SLC39A4: variants seen among roughly 807,000 people sequenced by gnomAD.
The protein encoded by SLC39A4 is solute carrier family 39 member 4, also known as zinc transporter ZIP4.
In SLC39A4, 49 loss-of-function variants were observed where a neutral mutation model predicts 56.6. The ratio of observed to expected loss-of-function variants is 0.87; its 90% CI spans 0.69 to 1.10. The LOEUF is 1.10. SLC39A4 is among the 50% of genes least tolerant of loss of function. The pLI is 0.00. For missense variants in SLC39A4, 993 were observed against 864.2 expected, an observed-to-expected ratio of 1.15 and a Z score of -1.87; for synonymous variants, 540 against 420.4, an observed-to-expected ratio of 1.28 and a Z score of -3.48.
intron 10 of SLC39A4, 130 bp from the exon 11 acceptor site, chr8:144,413,076 C>A: frequency 6.8e-7 from 1 of 1,481,108 alleles, no homozygotes; most frequent in Non-Finnish European, 9.1e-7. Flanking sequence ...CCGTCAGATC[C>A]CGCCCATCAC....
chr8:144,415,750 T>A, intron 2 of SLC39A4, 60 bp downstream of exon 2: 1 of 1,516,420 alleles, frequency 6.6e-7, no homozygotes, highest in Non-Finnish European at 8.8e-7. Context: ...CCAGGCCGGG[T>A]CCCATGGGCC....
rs782770770 is a variant in SLC39A4, at chr8:144,414,937, C to T, written c.804+37G>A. On this transcript the variant is annotated intron_variant, in intron 4 of 11. Coordinates refer to ENST00000301305, the MANE Select transcript of SLC39A4 (RefSeq NM_130849.4). ...ACAGGCTCAGGGGCCCAAGCAGACC[C>T]CGGTGAGGCCCCATCTTACCCCAGG... 1.9e-6 allele frequency: 3 copies of T among 1,613,032 alleles called. No individual in the cohort carries two copies. In the Admixed American group the frequency reaches 5.0e-5, roughly 27 times the overall value.
chr8:144,414,097 T>C lies in SLC39A4; in HGVS notation c.1150-2A>G. The C allele has an allele frequency of 6.4e-7, 1 of 1,556,110 alleles. No homozygotes were observed. Among genetic ancestry groups the C allele is most frequent in the Non-Finnish European group, 8.7e-7 (1 of 1,150,380 alleles). ...GCTGTGTGTATGCAGCCCCAGCACC[T>C]GGGGAGTAGGGGCGCTGGGCTGGGG... On this transcript the variant is annotated splice_acceptor_variant, in intron 6 of 11. Coordinates refer to ENST00000301305, the MANE Select transcript of SLC39A4 (RefSeq NM_130849.4). LOFTEE classifies it high-confidence loss of function.
chr8:144,416,287 G>A (rs1822194878), intron 1 of SLC39A4, 196 bp from the exon 2 acceptor site: 7 of 1,534,736 alleles, frequency 4.6e-6, no homozygotes, highest in African/African-American at 2.7e-5. Flanking sequence ...CACGCAGAGG[G>A]GTCCCCAACA....
In SLC39A4 at chr8:144,415,868, C is replaced by A. The variant is rs1204654926; in HGVS notation, c.416G>T (p.Gly139Val). The A allele has an allele frequency of 6.3e-7, 1 of 1,597,890 alleles. No homozygotes were observed. Among genetic ancestry groups the A allele is most frequent in the African/African-American group, 1.3e-5 (1 of 74,782 alleles). ...CATCCTCTGCAGCAGCCAGCTCAGG[C>A]CCGGGGTCAGGGCCTTGGGGCTCTC... ...LLESPKALTP[G>V]LSWLLQRMQA... The change falls in exon 2 of 12, where the codon GGC becomes GTC. Residue 139 changes from glycine to valine, a missense_variant. Gly to Val is a moderately radical substitution (Grantham distance 109, BLOSUM62 -3). Transcript: ENST00000301305.
rs782143283 is a variant in SLC39A4 at position 144,413,417 on chromosome 8, C to T, written c.1475-28G>A. Reference sequence around the variant, plus strand: ...GCGGGCGCAGAGGCCCGTGGGTTCGCGTGGCCTGTCGCCTACCGCCAAGCC... The same window carrying T: ...GCGGGCGCAGAGGCCCGTGGGTTCGTGTGGCCTGTCGCCTACCGCCAAGCC... On this transcript the variant is annotated intron_variant, in intron 9 of 11. Transcript: ENST00000301305. 7 of 1,603,478 alleles carry T rather than the reference C, an allele frequency of 4.4e-6. No individual in the cohort carries two copies. In the South Asian group the frequency reaches 7.8e-5, roughly 18 times the overall value.
chr8:144,413,100 C>CG, intron 10 of SLC39A4, 137 bp downstream of exon 10: 2 of 1,485,462 alleles, frequency 1.3e-6, no homozygotes, highest in South Asian at 2.5e-5. Flanking sequence ...CCAGGCCCCG[C>CG]CCCACCTGTT....
chr8:144,412,908 G>A lies in SLC39A4; in HGVS notation c.1666C>T (p.Arg556Cys). 1 of 1,608,194 alleles carries A rather than the reference G, an allele frequency of 6.2e-7. No individual in the cohort carries two copies. Among genetic ancestry groups the A allele is most frequent in the Non-Finnish European group, 8.5e-7 (1 of 1,179,488 alleles). The change falls in exon 11 of 12, where the codon CGC becomes TGC. Residue 556 changes from arginine to cysteine, a missense_variant. Coordinates refer to ENST00000301305, the MANE Select transcript of SLC39A4 (RefSeq NM_130849.4). Reference protein sequence around the residue: ...AALLHAGLSVRQALLLNLASA... With the variant: ...AALLHAGLSVCQALLLNLASA... The stretch of plus-strand genomic sequence containing the variant: ...GCCAGGTTCAGCAGCAGTGCTTGGC[G>A]CACGGACAGCCCCGCGTGCAGCAAG...
rs1564705934 is a variant in SLC39A4, at chr8:144,412,675, C to T, written c.1816-9G>A. On this transcript the variant is annotated splice_polypyrimidine_tract_variant and intron_variant, in intron 11 of 11. Coordinates refer to ENST00000301305, the MANE Select transcript of SLC39A4 (RefSeq NM_130849.4). ...TTCAACATCGCCGGGAGCTGAGGAGCAAGTGGGCACCGGGTCAGCGCCCCT... is the reference window on the plus strand; with the variant it reads ...TTCAACATCGCCGGGAGCTGAGGAGTAAGTGGGCACCGGGTCAGCGCCCCT... The T allele has an allele frequency of 2.5e-6, 4 of 1,613,814 alleles. No homozygotes were observed.
At position 144,412,420 on chromosome 8, in the gene SLC39A4, G is replaced by A. The variant is rs529620164; in HGVS notation, c.*118C>T. 2 of 1,544,008 alleles carry A rather than the reference G, an allele frequency of 1.3e-6. No individual in the cohort carries two copies. Among genetic ancestry groups the A allele is most frequent in the South Asian group, 1.1e-5 (1 of 88,292 alleles). On this transcript the variant is annotated 3_prime_UTR_variant, in exon 12 of 12. Coordinates refer to ENST00000301305, the MANE Select transcript of SLC39A4 (RefSeq NM_130849.4). ...AAGGAGAGCACAGCCATGCTCCAAG[G>A]ACAAGAGTGTCTTTACTGGAGTTGG...
chr8:144,416,238 T>A (rs1554874006), intron 1 of SLC39A4, 147 bp from the exon 2 acceptor site: 6 of 1,576,170 alleles, frequency 3.8e-6, no homozygotes, highest in Non-Finnish European at 5.1e-6. Context: ...CCCTTCCGTC[T>A]CCCCAGGCCC....
intron 1 of SLC39A4, chr8:144,416,387 G>A: frequency 6.9e-7 from 1 of 1,450,250 alleles, no homozygotes; most frequent in Non-Finnish European, 9.0e-7. Flanking sequence ...GGGGTCCTGG[G>A]GAGAAGAGGG....
chr8:144,412,600 G>A lies in SLC39A4; in HGVS notation c.1882C>T (p.Leu628=). ...AGCAGGACGGTCCAGCCGCCCAGCA[G>A]GCCCACGTTGTGCAGCAGGAAGAGG... ...WLLFLLHNVG[L]LGGWTVLLLL... Residue 628 remains leucine, a synonymous_variant, in exon 12 of 12, where the codon CTG becomes TTG. Transcript: ENST00000301305. 6.2e-7 allele frequency: 1 copy of A among 1,614,200 alleles called. No individual in the cohort carries two copies. The highest frequency in any genetic ancestry group is 2.2e-5 in the East Asian group (1 of 44,882).
At chr8:144,416,115 G>C in intron 1 of SLC39A4, 24 bp from the exon 2 acceptor site, 1 of 1,600,086 alleles carries the variant, frequency 6.2e-7, no homozygotes, top group South Asian at 1.1e-5. Flanking sequence ...CAAGTGAGCA[G>C]GGGCGCTGGG....
chr8:144,416,518 G>C lies in SLC39A4; in HGVS notation c.192+80C>G. 3 of 1,518,692 alleles carry C rather than the reference G, an allele frequency of 2.0e-6. No individual in the cohort carries two copies. In the South Asian group the frequency reaches 3.7e-5, roughly 19 times the overall value. The allele number at this position is 1,518,692 out of a possible 1,614,324, so 94.1% of individuals were successfully genotyped here. On this transcript the variant is annotated intron_variant, in intron 1 of 11. Transcript: ENST00000301305. ...TCCTCCGCCTCCTGGAGTTTGCCCA[G>C]GGCCCTTTGCTGCCGGCTGGCAGGG...
intron 3 of SLC39A4, 47 bp downstream of exon 3, chr8:144,415,180 C>T (rs782675569): frequency 1.2e-6 from 2 of 1,612,712 alleles, no homozygotes; most frequent in Admixed American, 1.7e-5. Flanking sequence ...GACGTGGAGG[C>T]TGGGGACTCG....
chr8:144,415,730 G>A, intron 2 of SLC39A4, 80 bp downstream of exon 2: 2 of 1,459,850 alleles, frequency 1.4e-6, no homozygotes, highest in South Asian at 1.4e-5. Flanking sequence ...GCTCCCCGAA[G>A]GCTTTGCAGC....
chr8:144,414,839 C>T lies in SLC39A4; in HGVS notation c.862G>A (p.Val288Met). ...AAYGLSEQAGVTPEAWAQLSP... is the reference protein window; with the variant it reads ...AAYGLSEQAGMTPEAWAQLSP... ...AGTTGGGCCCAGGCCTCCGGGGTCA[C>T]CCCAGCCTGTTCCGACAGTCCATAT... The change falls in exon 5 of 12, where the codon GTG becomes ATG. Residue 288 changes from valine (V) to methionine (M), a missense_variant. Val to Met is a conservative substitution (Grantham distance 21). Transcript: ENST00000301305. The T allele has an allele frequency of 6.2e-7, 1 of 1,613,208 alleles. No individual in the cohort carries two copies. The highest frequency in any genetic ancestry group is 1.7e-4 in the Middle Eastern group (1 of 6,060).
In SLC39A4 at chr8:144,415,954, G is replaced by C; in HGVS notation, c.330C>G (p.Thr110=). The change falls in exon 2 of 12, where the codon ACC becomes ACG. Residue 110 remains threonine, a synonymous_variant. Transcript: ENST00000301305. Reference sequence around the variant, plus strand: ...AGAGGCCAGCCCGAGCGTCCTCACAGGTGCCCTCGGGGTTGCTGAGGTACA... The same window carrying C: ...AGAGGCCAGCCCGAGCGTCCTCACACGTGCCCTCGGGGTTGCTGAGGTACA... ...AVLYLSNPEG[T]CEDARAGLWA... is the part of the protein sequence containing the mutation. 6 of 1,595,270 alleles carry C rather than the reference G, an allele frequency of 3.8e-6. No individual in the cohort carries two copies. Among genetic ancestry groups the C allele is most frequent in the Non-Finnish European group, 5.1e-6 (6 of 1,173,418 alleles).
Sources: allele counts gnomAD v4.1 joint callset, GRCh38; gene constraint gnomAD v4.1.1; transcripts MANE v1.5; gene names NCBI Gene and HGNC (gene_info 2026-07-23, HGNC 2026-07-21).